Variants in DOCK3 observed in about 807,000 individuals in gnomAD.
DOCK3 encodes the protein dedicator of cytokinesis protein 3.
In DOCK3, 60 loss-of-function variants were observed where a neutral mutation model predicts 265.6. The ratio of observed to expected loss-of-function variants is 0.23; its 90% CI spans 0.18 to 0.28. The LOEUF is 0.28. DOCK3 is among the 10% of genes least tolerant of loss of function. The probability of loss-of-function intolerance (pLI) is 1.00; values close to 1 mark genes in which losing one functional copy is unlikely to be tolerated. For synonymous variants in DOCK3, 881 were observed against 938.0 expected, an observed-to-expected ratio of 0.94 and a Z score of 1.11; for missense variants, 1,981 against 2,594.3, an observed-to-expected ratio of 0.76 and a Z score of 5.14.
At chr3:50,902,970 G>A (rs555288017) in intron 4 of DOCK3, among the ~76,000 whole-genome samples, 1 of 152,182 alleles carries the variant, frequency 6.6e-6, no homozygotes, top group East Asian at 1.9e-4. Flanking sequence ...TTGGCCCTTT[G>A]CTTGCCTGTT....
intron 5 of DOCK3, among the ~76,000 whole-genome samples, chr3:51,002,112 AT>A (rs879740299): frequency 8.3e-4 from 122 of 146,130 alleles, no homozygotes; most frequent in Admixed American, 8.9e-4. Context: ...TGCCCTGCTA[AT>A]TTTTTTTTTT....
chr3:51,196,712 T>G (rs1448290669), intron 12 of DOCK3, among the ~76,000 whole-genome samples: 2 of 152,222 alleles, frequency 1.3e-5, no homozygotes. Context: ...AGTAAATTCT[T>G]CAATTGCAGA....
intron 5 of DOCK3, among the ~76,000 whole-genome samples, chr3:50,973,049 CTTTTTTT>C (rs71858027): frequency 1.6e-4 from 3 of 19,022 alleles, no homozygotes; most frequent in East Asian, 2.0e-3. Flanking sequence ...CAGTGTGTTT[CTTTTTTT>C]TTTTTTTTTT....
chr3:50,811,935 C>T (rs1171759588), intron 2 of DOCK3, among the ~76,000 whole-genome samples: 3 of 152,116 alleles, frequency 2.0e-5, no homozygotes, highest in Non-Finnish European at 4.4e-5. Flanking sequence ...ATGCAGAAAT[C>T]AACTGCTACC....
intron 5 of DOCK3, among the ~76,000 whole-genome samples, chr3:50,991,824 A>G (rs2078116634): frequency 6.6e-6 from 1 of 152,216 alleles, no homozygotes; most frequent in African/African-American, 2.4e-5. Flanking sequence ...ATACTGTACA[A>G]TCCACCACAT....
chr3:50,822,553 G>A (rs2044504773), intron 2 of DOCK3, among the ~76,000 whole-genome samples: 1 of 151,994 alleles, frequency 6.6e-6, no homozygotes. Context: ...CTGGAGGGCA[G>A]TGGTGCAATC....
intron 9 of DOCK3, among the ~76,000 whole-genome samples, chr3:51,132,062 C>G (rs1246607854): frequency 6.6e-6 from 1 of 152,212 alleles, no homozygotes; most frequent in Non-Finnish European, 1.5e-5. Flanking sequence ...GGATCCCTTC[C>G]TCTACATTAA....
intron 3 of DOCK3, among the ~76,000 whole-genome samples, chr3:50,854,591 A>ATTTTTTTTTTTTTTTTTTTTTTTTTTTT: frequency 2.3e-4 from 1 of 4,320 alleles, no homozygotes; most frequent in African/African-American, 4.3e-4. Flanking sequence ...CCATCACACC[A>ATTTTTTTTTTTTTTTTTTTTTTTTTTTT]GTTTTTTTTT....
At chr3:51,030,193 C>T (rs1286367000) in intron 5 of DOCK3, among the ~76,000 whole-genome samples, 1 of 152,190 alleles carries the variant, frequency 6.6e-6, no homozygotes, top group Non-Finnish European at 1.5e-5. Flanking sequence ...TTTTGCACTC[C>T]AAACTTGACC....
chr3:51,341,140 G>T, intron 37 of DOCK3, 97 bp from the exon 38 acceptor site: 2 of 1,416,206 alleles, frequency 1.4e-6, no homozygotes, highest in South Asian at 1.5e-5. Context: ...CATGACTTGC[G>T]CTGGCATTCT....
In DOCK3 at chr3:51,074,828, A is replaced by G. The variant is rs1034165174; in HGVS notation, c.465-528A>G. 2.0e-5 allele frequency among the ~76,000 whole-genome samples: 3 copies of G among 152,308 alleles called. No homozygotes were observed. The East Asian group carries it at 5.8e-4, about 29-fold the overall frequency. On this transcript the variant is annotated intron_variant, in intron 6 of 52. Coordinates refer to ENST00000266037, the MANE Select transcript of DOCK3 (RefSeq NM_004947.5). ...CACATCCTGCGTAACAAACCTGCAC[A>G]TCCTGCACATGTACCCCAGAACTTA...
At chr3:51,105,845 A>G (rs921459912) in intron 9 of DOCK3, among the ~76,000 whole-genome samples, 3 of 152,182 alleles carry the variant, frequency 2.0e-5, no homozygotes, top group African/African-American at 7.2e-5. Context: ...GCATGGGGCT[A>G]CCATGCACCA....
At chr3:51,223,857 T>A (rs1239108983) in intron 14 of DOCK3, among the ~76,000 whole-genome samples, 1 of 152,362 alleles carries the variant, frequency 6.6e-6, no homozygotes, top group South Asian at 2.1e-4. Flanking sequence ...AGCAGACTGA[T>A]GAATTTGAGC....
At chr3:50,728,098 C>T (rs1032587551) in intron 1 of DOCK3, among the ~76,000 whole-genome samples, 6 of 152,030 alleles carry the variant, frequency 3.9e-5, no homozygotes, top group Non-Finnish European at 5.9e-5. Flanking sequence ...AATCATACAG[C>T]ATGTGTTCTT....
chr3:51,063,512 A>G (rs1477461699), intron 5 of DOCK3, among the ~76,000 whole-genome samples: 1 of 152,210 alleles, frequency 6.6e-6, no homozygotes, highest in Non-Finnish European at 1.5e-5. Flanking sequence ...CTTTGACTTG[A>G]GCTTATTTTG....
intron 40 of DOCK3, among the ~76,000 whole-genome samples, chr3:51,352,922 C>T (rs1434939533): frequency 6.6e-6 from 1 of 152,210 alleles, no homozygotes; most frequent in Non-Finnish European, 1.5e-5. Flanking sequence ...AGGCTACTCT[C>T]CTACCATCCC....
At chr3:50,754,113 G>A (rs991299251) in intron 1 of DOCK3, among the ~76,000 whole-genome samples, 1 of 117,946 alleles carries the variant, frequency 8.5e-6, no homozygotes, top group African/African-American at 3.2e-5. Context: ...CCAAGATCGT[G>A]CCACTGCACT....
rs1194619567 is a variant in DOCK3 at position 51,203,515 on chromosome 3, G to T, written c.1038-5259G>T. ...AACCACTGCTCAGTGAAATTAAAGA[G>T]GATACAAACAAATGGAAGAACATTC... On this transcript the variant is annotated intron_variant, in intron 12 of 52. Coordinates refer to ENST00000266037, the MANE Select transcript of DOCK3 (RefSeq NM_004947.5). Among the ~76,000 whole-genome samples, 3 of 152,136 alleles carry T rather than the reference G, an allele frequency of 2.0e-5. No individual in the cohort carries two copies. In the South Asian group the frequency reaches 6.2e-4, roughly 31 times the overall value.
At chr3:51,355,299 T>TC (rs774805937) in intron 41 of DOCK3, among the ~76,000 whole-genome samples, 6 of 152,206 alleles carry the variant, frequency 3.9e-5, no homozygotes, top group Non-Finnish European at 8.8e-5. Flanking sequence ...AACAGCTTAA[T>TC]CCTCACCCTG....
Sources: allele counts gnomAD v4.1 joint callset (sites outside exome capture counted in the v4.1 genomes callset), GRCh38; gene constraint gnomAD v4.1.1; transcripts MANE v1.5; gene names NCBI Gene and HGNC (gene_info 2026-07-23, HGNC 2026-07-21).